Variants in PLEKHA1 observed in about 807,000 individuals in gnomAD.
PLEKHA1 encodes pleckstrin homology domain containing A1.
PLEKHA1 carries 34 observed loss-of-function variants against 52.0 expected under a neutral mutation model. The observed-to-expected ratio is 0.65, with a 90% CI of 0.50 to 0.87. The LOEUF is 0.87. PLEKHA1 is among the 40% of genes least tolerant of loss of function. The pLI is 0.00. For synonymous variants in PLEKHA1, 163 were observed against 170.7 expected, an observed-to-expected ratio of 0.95 and a Z score of 0.35; for missense variants, 497 against 504.2, an observed-to-expected ratio of 0.99 and a Z score of 0.14.
At chr10:122,377,049 C>T (rs540247078) in intron 1 of PLEKHA1, among the ~76,000 whole-genome samples, 1 of 152,012 alleles carries the variant, frequency 6.6e-6, no homozygotes, top group Non-Finnish European at 1.5e-5. Context: ...CTGCAAATCC[C>T]GAAGTTATTT....
chr10:122,392,490 T>C (rs2096789858), intron 1 of PLEKHA1: 1 of 151,976 alleles, frequency 6.6e-6, no homozygotes, highest in African/African-American at 2.4e-5. Context: ...CTTATCTCTC[T>C]TTCCAGTACA....
At chr10:122,419,927 G>C (rs979321821) in intron 8 of PLEKHA1, 1 of 152,154 alleles carries the variant, frequency 6.6e-6, no homozygotes, top group Non-Finnish European at 1.5e-5. Context: ...TAACATTTCT[G>C]AAATCTTAGC....
rs752085174 is a variant in PLEKHA1 at position 122,429,841 on chromosome 10, A to G, written c.1118A>G (p.Gln373Arg). The G allele has an allele frequency of 3.1e-6, 5 of 1,614,162 alleles. No individual in the cohort carries two copies. Among genetic ancestry groups the G allele is most frequent in the Non-Finnish European group, 4.2e-6 (5 of 1,180,026 alleles). Residue 373 changes from glutamine to arginine, a missense_variant, in exon 12 of 12, where the codon CAA (glutamine) becomes CGA (arginine). Physicochemically the swap from Gln to Arg is conservative, Grantham distance 43. Coordinates refer to ENST00000368990, the MANE Select transcript of PLEKHA1 (RefSeq NM_001001974.4). ...PREPASKVTE[Q>R]ALLRPQSKNG... ...GAACCAGCTTCCAAAGTGACTGAAC[A>G]AGCTCTGTTAAGACCTCAAAGTAAA...
intron 10 of PLEKHA1, 157 bp downstream of exon 10, chr10:122,425,116 T>C (rs1212683256): frequency 7.7e-6 from 4 of 517,134 alleles, no homozygotes; most frequent in Non-Finnish European, 9.7e-6. Flanking sequence ...TATAGAGTTA[T>C]TGGTGGGGTT....
rs921233444 is a variant in PLEKHA1, at chr10:122,393,496, A to G, written c.141+155A>G. 2.0e-5 allele frequency among the ~76,000 whole-genome samples: 3 copies of G among 152,094 alleles called. No homozygotes were observed. The highest frequency in any genetic ancestry group is 7.2e-5 in the African/African-American group (3 of 41,432). On this transcript the variant is annotated intron_variant, in intron 2 of 11. Transcript: ENST00000368990. This position sits in a 1 kb window ranked among gnomAD's most constrained non-coding sequence, Gnocchi z 4.5. ...TCTCTGCCCTGCACCCCTGACCTCTACTGTTTTGTTTGAATTTCAGAAGGT... is the reference window on the plus strand; with the variant it reads ...TCTCTGCCCTGCACCCCTGACCTCTGCTGTTTTGTTTGAATTTCAGAAGGT...
chr10:122,406,710 C>G (rs1245692454), intron 5 of PLEKHA1, 37 bp downstream of exon 5: 2 of 1,413,464 alleles, frequency 1.4e-6, no homozygotes, highest in Admixed American at 3.5e-5. Context: ...CGTTCGATGT[C>G]TGGAATTAAT....
intron 4 of PLEKHA1, among the ~76,000 whole-genome samples, chr10:122,406,018 C>T (rs2097008534): frequency 1.3e-5 from 2 of 152,260 alleles, no homozygotes; most frequent in Middle Eastern, 3.4e-3. Context: ...AGACTACCAG[C>T]CCCAGTGCCA....
At chr10:122,375,633 C>T (rs911934780) in intron 1 of PLEKHA1, among the ~76,000 whole-genome samples, 3 of 152,174 alleles carry the variant, frequency 2.0e-5, no homozygotes, top group South Asian at 4.1e-4. Context: ...GGTCCTGTTG[C>T]TTATAGTGTT....
intron 2 of PLEKHA1, 109 bp from the exon 3 acceptor site, chr10:122,397,809 A>G (rs370425502): frequency 2.5e-6 from 2 of 790,640 alleles, no homozygotes; most frequent in Non-Finnish European, 3.9e-6. Context: ...GTAAAATGTG[A>G]TATTAAAAAA....
At chr10:122,424,367 T>A in intron 9 of PLEKHA1, 104 bp downstream of exon 9, 4 of 1,284,496 alleles carry the variant, frequency 3.1e-6, no homozygotes, top group Non-Finnish European at 4.2e-6. Flanking sequence ...ATATTAATTG[T>A]AGTTATTTTT....
chr10:122,396,522 C>T (rs1565180837), intron 2 of PLEKHA1, among the ~76,000 whole-genome samples: 3 of 151,946 alleles, frequency 2.0e-5, no homozygotes. Context: ...TGGAGTTTTA[C>T]AATATATAGG....
downstream of PLEKHA1, chr10:122,433,747 G>A (rs190988855): frequency 2.0e-4 from 30 of 152,252 alleles, no homozygotes; most frequent in African/African-American, 5.8e-4. Flanking sequence ...TTGTGTCTGC[G>A]TTTCACCTGT....
the PLEKHA1 span, chr10:122,441,480 AAAG>A: frequency 6.5e-6 from 1 of 152,758 alleles, no homozygotes; most frequent in Non-Finnish European, 1.5e-5. Context: ...AAAAAAAAAA[AAAG>A]TTTGAGATCC....
intron 5 of PLEKHA1, among the ~76,000 whole-genome samples, chr10:122,409,455 T>C (rs1272731634): frequency 6.6e-6 from 1 of 151,980 alleles, no homozygotes; most frequent in Admixed American, 6.6e-5. Flanking sequence ...AGTGGAAATA[T>C]AGTGGAAACA....
intron 1 of PLEKHA1, among the ~76,000 whole-genome samples, chr10:122,392,742 A>G (rs1423375273): frequency 1.3e-5 from 2 of 152,300 alleles, no homozygotes; most frequent in African/African-American, 4.8e-5. Flanking sequence ...TAACATATGG[A>G]AAAGAACCTT....
intron 10 of PLEKHA1, chr10:122,425,216 A>T (rs1219850227): frequency 3.3e-6 from 1 of 303,086 alleles, no homozygotes; most frequent in East Asian, 5.3e-5. Context: ...TTTAGATGTT[A>T]AGTGTGTACT....
intron 11 of PLEKHA1, among the ~76,000 whole-genome samples, chr10:122,427,290 G>C (rs919162275): frequency 2.0e-5 from 3 of 152,134 alleles, no homozygotes; most frequent in African/African-American, 7.2e-5. Flanking sequence ...TCCTTGCTTT[G>C]TTTTAGGAGT....
Position 122,374,709 on chromosome 10 carries a change from C to T in PLEKHA1, c.-118C>T, listed in dbSNP as rs1160880518. 6.6e-6 allele frequency: 1 copy of T among 151,850 alleles called. No individual in the cohort carries two copies. The highest frequency in any genetic ancestry group is 1.5e-5 in the Non-Finnish European group (1 of 67,968). The allele number at this position is 151,850 out of a possible 1,614,324, so 9.4% of individuals were successfully genotyped here. A position where few individuals can be genotyped will look rare whatever the true frequency, so the allele number is the denominator to read the frequency against. On this transcript the variant is annotated 5_prime_UTR_variant, in exon 1 of 12. Coordinates refer to ENST00000368990, the MANE Select transcript of PLEKHA1 (RefSeq NM_001001974.4). ...CTGAGGCAGCGTGGGGACGCGTGCG[C>T]AGTGCGCGGGCTGGCCGTCGCGGAC...
intron 1 of PLEKHA1, among the ~76,000 whole-genome samples, chr10:122,379,538 C>T (rs982766969): frequency 2.4e-4 from 37 of 152,172 alleles, no homozygotes; most frequent in African/African-American, 8.7e-4. Context: ...TGTTAGAGGC[C>T]CCTGCCACTG....
Sources: gnomAD v4.1 joint callset for allele counts (sites outside exome capture counted in the v4.1 genomes callset) on GRCh38, gnomAD v4.1.1 for gene constraint, Gnocchi (gnomAD v3.1) non-coding constraint, MANE v1.5 for transcripts, NCBI Gene and HGNC (gene_info 2026-07-23, HGNC 2026-07-21) for gene names.